The following PHIP variants were observed in gnomAD, a reference collection of about 807,000 sequenced individuals.
PHIP encodes PH-interacting protein.
Under a neutral mutation model 236.8 loss-of-function variants are expected in PHIP, and 54 were observed. That is an observed-to-expected ratio of 0.23 (90% CI 0.18 to 0.29). PHIP has a LOEUF of 0.29. Ranked by LOEUF, PHIP falls within the 10% of genes least tolerant of loss-of-function variation. PHIP has a pLI of 1.00. For missense variants in PHIP, 1,370 were observed against 2,190.8 expected, an observed-to-expected ratio of 0.63 and a Z score of 7.48; for synonymous variants, 756 against 718.9, an observed-to-expected ratio of 1.05 and a Z score of -0.83.
chr6:78,997,306 G>A lies in PHIP; in HGVS notation c.2201+108C>T, dbSNP rs1270753915. The stretch of plus-strand genomic sequence containing the variant: ...ATGAATAGTTTATACTGCCCTTCCA[G>A]AAAAATTTCAGAGGAATTACAGAGC... On this transcript the variant is annotated intron_variant, in intron 19 of 39. Coordinates refer to ENST00000275034, the MANE Select transcript of PHIP (RefSeq NM_017934.7). 5 of 907,958 alleles carry A rather than the reference G, an allele frequency of 5.5e-6. No individual in the cohort carries two copies. In the Admixed American group the frequency reaches 1.2e-4, roughly 22 times the overall value. 56.2% of individuals were successfully genotyped at this position (907,958 alleles called of 1,614,324 possible).
At chr6:78,987,585 C>T (rs1274638290) in intron 21 of PHIP, among the ~76,000 whole-genome samples, 1 of 151,978 alleles carries the variant, frequency 6.6e-6, no homozygotes, top group Non-Finnish European at 1.5e-5. Context: ...CATCTCTAAC[C>T]TGTAAAGAAG....
intron 35 of PHIP, among the ~76,000 whole-genome samples, chr6:78,953,244 G>C (rs1173999698): frequency 6.6e-6 from 1 of 152,060 alleles, no homozygotes; most frequent in Non-Finnish European, 1.5e-5. Context: ...TTTTCATTCA[G>C]GGTACAGTTC....
Position 79,026,239 on chromosome 6 carries a change from C to T in PHIP, c.601-75G>A, listed in dbSNP as rs117899746. On this transcript the variant is annotated intron_variant, in intron 7 of 39. Transcript: ENST00000275034. ...CAAAATCTTAACACTGATAAATCTACCTGTTCTGTCCACTTCTGAACAAGT... is the reference window on the plus strand; with the variant it reads ...CAAAATCTTAACACTGATAAATCTATCTGTTCTGTCCACTTCTGAACAAGT... The T allele has an allele frequency of 8.9e-3, 8,946 of 1,006,528 alleles. 57 individuals are homozygous for T. Among genetic ancestry groups the T allele is most frequent in the Non-Finnish European group, 0.011 (6,945 of 648,352 alleles). 62.3% of individuals were successfully genotyped at this position (1,006,528 alleles called of 1,614,324 possible).
rs545898464 is a variant in PHIP, at chr6:79,009,315, T to G, written c.1525-5457A>C. Among the ~76,000 whole-genome samples, 3 of 152,202 alleles carry G rather than the reference T, an allele frequency of 2.0e-5. No homozygotes were observed. The South Asian group carries it at 6.2e-4, about 32-fold the overall frequency. On this transcript the variant is annotated intron_variant, in intron 15 of 39. Transcript: ENST00000275034. Reference sequence around the variant, plus strand: ...TGAACATGTCTTGACACTTAGCTTTTTATAATGTTCCTCTTGTTTATAAAA... The same window carrying G: ...TGAACATGTCTTGACACTTAGCTTTGTATAATGTTCCTCTTGTTTATAAAA...
At chr6:78,962,956 C>G in intron 30 of PHIP, 141 bp downstream of exon 30, 1 of 662,926 alleles carries the variant, frequency 1.5e-6, no homozygotes, top group Non-Finnish European at 2.5e-6. Flanking sequence ...AGACCACATT[C>G]AAAAAGAGAT....
intron 35 of PHIP, among the ~76,000 whole-genome samples, chr6:78,948,595 A>G (rs958591296): frequency 2.6e-5 from 4 of 152,078 alleles, no homozygotes; most frequent in African/African-American, 9.7e-5. Flanking sequence ...CCCAGACTCA[A>G]GCAACCTTCC....
intron 7 of PHIP, among the ~76,000 whole-genome samples, chr6:79,031,636 C>G (rs1387694832): frequency 6.6e-6 from 1 of 152,146 alleles, no homozygotes; most frequent in Non-Finnish European, 1.5e-5. Context: ...AAAAAACACA[C>G]ATATTATGAT....
chr6:79,040,183 A>T (rs1361924420), intron 7 of PHIP, among the ~76,000 whole-genome samples: 1 of 152,104 alleles, frequency 6.6e-6, no homozygotes, highest in African/African-American at 2.4e-5. Context: ...TGTGGTTGGT[A>T]CTATTATCAT....
chr6:78,963,913 C>T (rs1419559775), intron 29 of PHIP, among the ~76,000 whole-genome samples: 3 of 152,042 alleles, frequency 2.0e-5, no homozygotes, highest in South Asian at 2.1e-4. Flanking sequence ...TCACAAACTA[C>T]GATTAAACTC....
chr6:78,978,567 G>T (rs753142329), intron 24 of PHIP, 25 bp downstream of exon 24: 1 of 1,545,056 alleles, frequency 6.5e-7, no homozygotes, highest in Non-Finnish European at 8.8e-7. Context: ...GAGGAAAAAT[G>T]GATAATTTAA....
At chr6:79,069,530 T>C (rs1773788159) in intron 4 of PHIP, among the ~76,000 whole-genome samples, 1 of 152,116 alleles carries the variant, frequency 6.6e-6, no homozygotes, top group African/African-American at 2.4e-5. Context: ...GCAGTTTGTC[T>C]GAGGGCACAC....
intron 37 of PHIP, 126 bp from the exon 38 acceptor site, chr6:78,946,386 G>T: frequency 7.3e-7 from 1 of 1,376,990 alleles, no homozygotes; most frequent in Non-Finnish European, 9.6e-7. Context: ...GATTTATAGT[G>T]GATTTCATAT....
chr6:78,945,182 A>G, intron 39 of PHIP, 118 bp downstream of exon 39: 2 of 720,386 alleles, frequency 2.8e-6, no homozygotes, highest in Non-Finnish European at 4.9e-6. Flanking sequence ...ATCAACTAAT[A>G]CAGATGTGTG....
At chr6:79,064,085 C>T (rs1773510018) in intron 4 of PHIP, among the ~76,000 whole-genome samples, 1 of 152,186 alleles carries the variant, frequency 6.6e-6, no homozygotes, top group African/African-American at 2.4e-5. Flanking sequence ...CCTATCTACA[C>T]CTGTACCAAT....
rs1292180321 is a variant in PHIP at position 79,042,986 on chromosome 6, T to G, written c.457A>C (p.Arg153=). The change falls in exon 7 of 40, where the codon AGG becomes CGG. Residue 153 remains arginine, a synonymous_variant. Transcript: ENST00000275034. The part of the protein sequence containing the change: ...PPSIADTLFS[R]KLNGKYRLER... Reference sequence around the variant, plus strand: ...AGTCTGTATTTCCCATTCAGCTTCCTTGAAAACAGAGTATCCGCTACCAAG... The same window carrying G: ...AGTCTGTATTTCCCATTCAGCTTCCGTGAAAACAGAGTATCCGCTACCAAG... The G allele has an allele frequency of 6.2e-7, 1 of 1,608,700 alleles. No individual in the cohort carries two copies. Among genetic ancestry groups the G allele is most frequent in the Non-Finnish European group, 8.5e-7 (1 of 1,177,792 alleles).
rs771988564 is a variant in PHIP, at chr6:79,078,018, C to T, written c.40+11G>A. ...CCCGGTGCCAGCGGCCCCGGCAGCC[C>T]CCCGACTTACCCGATCGCAGCTCCG... On this transcript the variant is annotated intron_variant, in intron 1 of 39. Transcript: ENST00000275034. The T allele has an allele frequency of 1.4e-5, 23 of 1,608,722 alleles. No homozygotes were observed. Among genetic ancestry groups the T allele is most frequent in the Middle Eastern group, 4.5e-4 (2 of 4,466 alleles).
chr6:79,072,979 C>G (rs1292703012), intron 4 of PHIP, among the ~76,000 whole-genome samples: 1 of 152,160 alleles, frequency 6.6e-6, no homozygotes, highest in Non-Finnish European at 1.5e-5. Flanking sequence ...TTATTACTCA[C>G]AGACCACACA....
chr6:78,993,454 A>G (rs1299935250), intron 19 of PHIP, among the ~76,000 whole-genome samples: 1 of 152,210 alleles, frequency 6.6e-6, no homozygotes, highest in Non-Finnish European at 1.5e-5. Flanking sequence ...CTTGGCTTCC[A>G]AGCTTCAAAG....
Position 79,018,431 on chromosome 6 carries a change from C to T in PHIP, c.994+658G>A, listed in dbSNP as rs192700555. 2.0e-3 allele frequency among the ~76,000 whole-genome samples: 301 copies of T among 151,806 alleles called. 5 individuals are homozygous for T. In the East Asian group the frequency reaches 0.023, roughly 12 times the overall value. Reference sequence around the variant, plus strand: ...CTCCTATCCACAATTATAAAATGAGCGGAAAAAGTAAAACTGAAAATAAAG... The same window carrying T: ...CTCCTATCCACAATTATAAAATGAGTGGAAAAAGTAAAACTGAAAATAAAG... On this transcript the variant is annotated intron_variant, in intron 10 of 39. Transcript: ENST00000275034.
Sources: allele counts gnomAD v4.1 joint callset (sites outside exome capture counted in the v4.1 genomes callset), GRCh38; gene constraint gnomAD v4.1.1; transcripts MANE v1.5; gene names NCBI Gene and HGNC (gene_info 2026-07-23, HGNC 2026-07-21).